Variants in DPP4 observed in about 807,000 individuals in gnomAD.
DPP4 encodes ADCP-2.
DPP4 carries 93 observed loss-of-function variants against 122.4 expected under a neutral mutation model. The ratio of observed to expected loss-of-function variants is 0.76; its 90% CI spans 0.64 to 0.90. The LOEUF (loss-of-function observed/expected upper bound fraction) is 0.90. Among genes scored for constraint, DPP4 ranks in the 40% least tolerant of loss-of-function variants. The pLI, the probability that DPP4 is intolerant of heterozygous loss-of-function variation, is 0.00. For synonymous variants in DPP4, 321 were observed against 302.9 expected (o/e 1.06, Z -0.62); for missense variants, 914 against 907.3 (o/e 1.01, Z -0.09).
chr2:162,064,983 A>G (rs145121985), intron 2 of DPP4, among the ~76,000 whole-genome samples: 1 of 152,214 alleles, frequency 6.6e-6, no homozygotes, highest in East Asian at 1.9e-4. Flanking sequence ...ATAACCAAAT[A>G]CACGATATGC....
At chr2:162,073,657 C>T (rs1346740419) in intron 1 of DPP4, 171 bp from the exon 2 acceptor site, 1 of 695,590 alleles carries the variant, frequency 1.4e-6, no homozygotes, top group African/African-American at 1.8e-5. Context: ...AGTTGGAGTT[C>T]TCTAAGGCGG....
chr2:162,017,875 C>G (rs1162120669), intron 16 of DPP4, among the ~76,000 whole-genome samples: 1 of 152,164 alleles, frequency 6.6e-6, no homozygotes, highest in Admixed American at 6.5e-5. Context: ...GGCTCACTAG[C>G]TCTGTGACTT....
At chr2:162,057,541 T>C (rs1036679107) in intron 2 of DPP4, among the ~76,000 whole-genome samples, 15 of 152,184 alleles carry the variant, frequency 9.9e-5, no homozygotes, top group Non-Finnish European at 2.1e-4. Flanking sequence ...CACCCAGCAG[T>C]AGCACCTGCT....
At chr2:161,998,930 C>T (rs571811018) in intron 23 of DPP4, among the ~76,000 whole-genome samples, 2 of 152,108 alleles carry the variant, frequency 1.3e-5, no homozygotes, top group East Asian at 3.8e-4. Context: ...TTTAATGCAG[C>T]AAGAGAAAAA....
At chr2:162,039,956 G>A (rs1297124927) in intron 5 of DPP4, among the ~76,000 whole-genome samples, 1 of 151,732 alleles carries the variant, frequency 6.6e-6, no homozygotes, top group Non-Finnish European at 1.5e-5. Flanking sequence ...ACTGGTATCA[G>A]AAAGGAAAAA....
chr2:162,035,533 C>G lies in DPP4; in HGVS notation c.614-209G>C, dbSNP rs546002127. On this transcript the variant is annotated intron_variant, in intron 8 of 25. Coordinates refer to ENST00000360534, the MANE Select transcript of DPP4 (RefSeq NM_001935.4). ...TATCTGGATTGTAAAAATAAGTAAC[C>G]CGTTGGACCATTTTAGAATATTTTA... Among the ~76,000 whole-genome samples the G allele has an allele frequency of 1.6e-3, 248 of 152,142 alleles. 1 individual carries two copies. The highest frequency in any genetic ancestry group is 2.9e-3 in the Non-Finnish European group (195 of 67,988).
At chr2:162,073,716 C>A (rs1685206835) in intron 1 of DPP4, 2 of 668,962 alleles carry the variant, frequency 3.0e-6, no homozygotes, top group South Asian at 2.0e-5. Flanking sequence ...GGTTTCTCTA[C>A]CCCTGCCCGG....
intron 10 of DPP4, among the ~76,000 whole-genome samples, chr2:162,033,266 T>A (rs1559716010): frequency 1.3e-5 from 2 of 152,188 alleles, no homozygotes; most frequent in African/African-American, 4.8e-5. Flanking sequence ...GCTCTTTTTT[T>A]ATCTGGTTAT....
Position 161,993,014 on chromosome 2 carries a change from A to G in DPP4, c.*269T>C. ...CAAAGCCTCCATAAAAACAATTCCTATTTGTTGTTTCAGCAGCTGATGCAG... is the reference window on the plus strand; with the variant it reads ...CAAAGCCTCCATAAAAACAATTCCTGTTTGTTGTTTCAGCAGCTGATGCAG... On this transcript the variant is annotated 3_prime_UTR_variant, in exon 26 of 26. Transcript: ENST00000360534. 3.0e-6 allele frequency: 1 copy of G among 338,764 alleles called. No homozygotes were observed. Among genetic ancestry groups the G allele is most frequent in the Non-Finnish European group, 5.5e-6 (1 of 180,586 alleles). 21.0% of individuals were successfully genotyped at this position (338,764 alleles called of 1,614,324 possible).
At chr2:162,066,672 T>A (rs1261950275) in intron 2 of DPP4, among the ~76,000 whole-genome samples, 7 of 152,194 alleles carry the variant, frequency 4.6e-5, no homozygotes, top group African/African-American at 1.7e-4. Flanking sequence ...ATTTATCTTT[T>A]TAAAAGATTA....
intron 4 of DPP4, among the ~76,000 whole-genome samples, chr2:162,045,968 T>G (rs1684158864): frequency 6.6e-6 from 1 of 152,040 alleles, no homozygotes; most frequent in African/African-American, 2.4e-5. Flanking sequence ...CTGAATATAG[T>G]TTGTGGGGGG....
chr2:161,995,234 G>T, intron 24 of DPP4, 66 bp downstream of exon 24: 1 of 1,466,790 alleles, frequency 6.8e-7, no homozygotes, highest in Non-Finnish European at 9.6e-7. Flanking sequence ...TCATGCTTTT[G>T]TTTTGTCAGT....
At chr2:162,031,301 G>A (rs918740053) in intron 10 of DPP4, among the ~76,000 whole-genome samples, 7 of 152,176 alleles carry the variant, frequency 4.6e-5, no homozygotes, top group Admixed American at 2.6e-4. Context: ...GGACTATTGC[G>A]GGAAGGAGGG....
chr2:162,030,078 C>T (rs989831054), intron 10 of DPP4, among the ~76,000 whole-genome samples: 6 of 152,200 alleles, frequency 3.9e-5, no homozygotes, highest in Non-Finnish European at 8.8e-5. Context: ...GCCTCTACTG[C>T]GTAGAACCTG....
At position 162,045,524 on chromosome 2, in the gene DPP4, T is replaced by C. The variant is rs779823895; in HGVS notation, c.366+8A>G. Reference sequence around the variant, plus strand: ...TTAAATGTTACAGTAAGAAAGCATTTATTTTACCTTCACGTAGTTGTATTC... The same window carrying C: ...TTAAATGTTACAGTAAGAAAGCATTCATTTTACCTTCACGTAGTTGTATTC... On this transcript the variant is annotated splice_region_variant and intron_variant, in intron 5 of 25. Transcript: ENST00000360534. 1 of 1,590,380 alleles carries C rather than the reference T, an allele frequency of 6.3e-7. No homozygotes were observed. The highest frequency in any genetic ancestry group is 2.2e-5 in the East Asian group (1 of 44,758).
At chr2:162,059,167 C>T (rs1212037916) in intron 2 of DPP4, among the ~76,000 whole-genome samples, 1 of 151,950 alleles carries the variant, frequency 6.6e-6, no homozygotes, top group East Asian at 1.9e-4. Context: ...TGCTATCATG[C>T]AGAGTCAGGA....
At chr2:162,001,397 G>T (rs954770875) in intron 23 of DPP4, among the ~76,000 whole-genome samples, 1 of 152,138 alleles carries the variant, frequency 6.6e-6, no homozygotes, top group African/African-American at 2.4e-5. Flanking sequence ...TGCTCCTAAG[G>T]TATAGAATTC....
At chr2:162,002,649 G>C (rs1701180266) in intron 23 of DPP4, among the ~76,000 whole-genome samples, 1 of 151,928 alleles carries the variant, frequency 6.6e-6, no homozygotes, top group Admixed American at 6.6e-5. Flanking sequence ...GAGGAAGAGA[G>C]AAAGGGAGAG....
chr2:162,017,218 T>C lies in DPP4; in HGVS notation c.1421-63A>G, dbSNP rs891695511. On this transcript the variant is annotated intron_variant, in intron 16 of 25. Coordinates refer to ENST00000360534, the MANE Select transcript of DPP4 (RefSeq NM_001935.4). ...ACTTTTTTAGAAAAGATAGTATAGA[T>C]GACTTTTCAAAAATACCATTTGTTA... The C allele has an allele frequency of 4.2e-6, 6 of 1,426,264 alleles. No homozygotes were observed. The African/African-American group carries it at 8.6e-5, about 20-fold the overall frequency. The allele number at this position is 1,426,264 out of a possible 1,614,324, so 88.4% of individuals were successfully genotyped here.
Sources: allele counts gnomAD v4.1 joint callset (sites outside exome capture counted in the v4.1 genomes callset), GRCh38; gene constraint gnomAD v4.1.1; transcripts MANE v1.5; gene names NCBI Gene and HGNC (gene_info 2026-07-23, HGNC 2026-07-21).